The following ERC2 variants were observed in gnomAD, a reference collection of about 807,000 sequenced individuals.
The protein encoded by ERC2 is ELKS/RAB6-interacting/CAST family member 2.
ERC2 carries 42 observed loss-of-function variants against 114.8 expected under a neutral mutation model. That is an observed-to-expected ratio of 0.37 (90% CI 0.29 to 0.47). The LOEUF (loss-of-function observed/expected upper bound fraction) is 0.47, where lower values mean the gene tolerates loss of function less well. ERC2 is among the 20% of genes least tolerant of loss of function. ERC2 has a pLI of 0.99. For synonymous variants in ERC2, 454 were observed against 425.5 expected (o/e 1.07, Z -0.82); for missense variants, 939 against 1,150.7 (o/e 0.82, Z 2.66).
intron 17 of ERC2, among the ~76,000 whole-genome samples, chr3:55,615,966 A>G (rs963067697): frequency 6.6e-6 from 1 of 152,154 alleles, no homozygotes; most frequent in Admixed American, 6.5e-5. Context: ...TTTGTTTCTG[A>G]GTCTTCCAAC....
At chr3:56,412,379 T>A (rs1285871894) in intron 2 of ERC2, among the ~76,000 whole-genome samples, 1 of 152,262 alleles carries the variant, frequency 6.6e-6, no homozygotes, top group Non-Finnish European at 1.5e-5. Context: ...ATGGCAATGC[T>A]ATGAAACTAA....
At chr3:55,978,116 C>T (rs563239228) in intron 12 of ERC2, among the ~76,000 whole-genome samples, 4 of 152,172 alleles carry the variant, frequency 2.6e-5, no homozygotes, top group South Asian at 2.1e-4. Context: ...AATAAGTTAA[C>T]GAATAAAGGA....
At chr3:55,860,212 C>A (rs2061970763) in intron 14 of ERC2, among the ~76,000 whole-genome samples, 1 of 152,006 alleles carries the variant, frequency 6.6e-6, no homozygotes, top group African/African-American at 2.4e-5. Context: ...TGGATTTAAG[C>A]CAAATTTACT....
At chr3:56,228,764 T>C (rs920170192) in intron 3 of ERC2, among the ~76,000 whole-genome samples, 1 of 152,210 alleles carries the variant, frequency 6.6e-6, no homozygotes, top group African/African-American at 2.4e-5. Flanking sequence ...TTAAGATGTG[T>C]ATACTTTACT....
intron 3 of ERC2, among the ~76,000 whole-genome samples, chr3:56,213,752 G>T (rs2049245645): frequency 6.6e-6 from 1 of 152,172 alleles, no homozygotes; most frequent in Admixed American, 6.5e-5. Context: ...TAGCGTAACT[G>T]GGAGGCACCC....
Position 55,673,476 on chromosome 3 carries a change from G to A in ERC2, c.*39+10318C>T, listed in dbSNP as rs533928805. ...CGCACGCCTGTACTCCCAGCTACTC[G>A]GGAGGCTGAGGCAGGAGAATCACTT... is the stretch of plus-strand genomic sequence containing the variant. On this transcript the variant is annotated intron_variant, in intron 17 of 17. Coordinates refer to ENST00000288221, the MANE Select transcript of ERC2 (RefSeq NM_015576.3). Among the ~76,000 whole-genome samples the A allele has an allele frequency of 1.1e-4, 17 of 152,252 alleles. No individual in the cohort carries two copies. In the South Asian group the frequency reaches 2.9e-3, roughly 26 times the overall value.
intron 17 of ERC2, among the ~76,000 whole-genome samples, chr3:55,574,448 A>G (rs373001044): frequency 1.3e-5 from 2 of 152,200 alleles, no homozygotes; most frequent in South Asian, 4.1e-4. Context: ...GCTCTCTCAC[A>G]CTAGATATAT....
chr3:55,549,417 T>G (rs1456678109), intron 17 of ERC2, among the ~76,000 whole-genome samples: 2 of 150,388 alleles, frequency 1.3e-5, no homozygotes, highest in African/African-American at 4.9e-5. Context: ...CAGGCAGCTC[T>G]CCGAACACAA....
chr3:55,654,643 A>G (rs1482151333), intron 17 of ERC2, among the ~76,000 whole-genome samples: 1 of 152,210 alleles, frequency 6.6e-6, no homozygotes, highest in African/African-American at 2.4e-5. Context: ...CTCTAGAGGC[A>G]AGCGCGGCCA....
At chr3:55,561,279 G>C (rs1213191186) in intron 17 of ERC2, among the ~76,000 whole-genome samples, 1 of 152,088 alleles carries the variant, frequency 6.6e-6, no homozygotes, top group Non-Finnish European at 1.5e-5. Context: ...TTACTTCCCT[G>C]GTTTTTCATT....
At chr3:56,430,519 G>A (rs2061746929) in intron 2 of ERC2, among the ~76,000 whole-genome samples, 1 of 152,218 alleles carries the variant, frequency 6.6e-6, no homozygotes, top group Non-Finnish European at 1.5e-5. Flanking sequence ...AAGCACAAGT[G>A]ACAGTACCAA....
chr3:55,707,400 A>G (rs1027155642), intron 15 of ERC2, among the ~76,000 whole-genome samples: 1 of 152,140 alleles, frequency 6.6e-6, no homozygotes, highest in African/African-American at 2.4e-5. Flanking sequence ...GATCATGCCA[A>G]TGCACTCCAG....
intron 17 of ERC2, among the ~76,000 whole-genome samples, chr3:55,538,295 C>T (rs1327624233): frequency 1.3e-5 from 2 of 152,212 alleles, no homozygotes; most frequent in African/African-American, 4.8e-5. Context: ...CCAGCCCTGT[C>T]TCTATTTGCA....
chr3:56,049,816 ATATGTGTGTG>A (rs2075671333), intron 7 of ERC2, among the ~76,000 whole-genome samples: 1 of 115,546 alleles, frequency 8.7e-6, no homozygotes, highest in African/African-American at 3.0e-5. Context: ...CTCCCATCAT[ATATGTGTGTG>A]TGTGTGTGTG....
intron 14 of ERC2, among the ~76,000 whole-genome samples, chr3:55,868,726 C>T (rs1287287820): frequency 6.6e-6 from 1 of 152,204 alleles, no homozygotes; most frequent in African/African-American, 2.4e-5. Context: ...CCCGTTTTGG[C>T]TGAGGTCAGC....
intron 17 of ERC2, among the ~76,000 whole-genome samples, chr3:55,664,427 G>T (rs186786322): frequency 6.6e-6 from 1 of 152,064 alleles, no homozygotes; most frequent in Non-Finnish European, 1.5e-5. Context: ...CATTCTGTTC[G>T]CAAATGCGCA....
chr3:55,784,328 G>C (rs905214889), intron 14 of ERC2, among the ~76,000 whole-genome samples: 5 of 152,138 alleles, frequency 3.3e-5, no homozygotes, highest in African/African-American at 1.2e-4. Context: ...TTACAGAAAT[G>C]CCAGAAGTTC....
intron 17 of ERC2, among the ~76,000 whole-genome samples, chr3:55,560,003 G>C (rs578230053): frequency 1.3e-5 from 2 of 152,346 alleles, no homozygotes; most frequent in South Asian, 4.1e-4. Context: ...CGTTATCTTG[G>C]TTGGGCTGCT....
At chr3:56,355,659 G>C (rs1024018512) in intron 2 of ERC2, among the ~76,000 whole-genome samples, 3 of 152,120 alleles carry the variant, frequency 2.0e-5, no homozygotes. Flanking sequence ...TCCAGACGAT[G>C]AGTCAGATGA....
Sources: gnomAD v4.1 joint callset for allele counts (sites outside exome capture counted in the v4.1 genomes callset) on GRCh38, gnomAD v4.1.1 for gene constraint, MANE v1.5 for transcripts, NCBI Gene and HGNC (gene_info 2026-07-23, HGNC 2026-07-21) for gene names.